The following HPS4 variants were observed in gnomAD, a reference collection of about 807,000 sequenced individuals.
HPS4 encodes BLOC-3 complex member HPS4.
Under a neutral mutation model 70.3 loss-of-function variants are expected in HPS4, and 44 were observed. That is an observed-to-expected ratio of 0.63 (90% CI 0.49 to 0.80). The LOEUF is 0.80. HPS4 is among the 30% of genes least tolerant of loss of function. The pLI is 0.00. For missense variants in HPS4, 873 were observed against 884.4 expected (o/e 0.99, Z 0.16); for synonymous variants, 377 against 355.9 (o/e 1.06, Z -0.67).
At chr22:26,479,091 G>T (rs2090983815) in intron 3 of HPS4, among the ~76,000 whole-genome samples, 174 bp downstream of exon 3, 1 of 152,212 alleles carries the variant, frequency 6.6e-6, no homozygotes, top group African/African-American at 2.4e-5. Context: ...GTGCCGAGCT[G>T]CCTGGAAATT....
intron 11 of HPS4, 91 bp from the exon 12 acceptor site, chr22:26,458,668 A>G: frequency 1.3e-6 from 2 of 1,498,056 alleles, no homozygotes; most frequent in Non-Finnish European, 1.8e-6. Context: ...TAAAAAAAAA[A>G]TCCTCCAGCC....
At position 26,452,355 on chromosome 22, in the gene HPS4, G is replaced by T. The variant is rs890751270; in HGVS notation, c.*878C>A. On this transcript the variant is annotated 3_prime_UTR_variant, in exon 14 of 14. Coordinates refer to ENST00000398145, the MANE Select transcript of HPS4 (RefSeq NM_022081.6). ...AACTGAGGTTCTAAGTACCACACAA[G>T]CCCAGGAACACACAGCTGAGTGTCG... 9 of 456,488 alleles carry T rather than the reference G, an allele frequency of 2.0e-5. No individual in the cohort carries two copies. Among genetic ancestry groups the T allele is most frequent in the African/African-American group, 1.8e-4 (9 of 50,022 alleles). The allele number at this position is 456,488 out of a possible 1,614,324, so 28.3% of individuals were successfully genotyped here.
At chr22:26,447,486 G>C (rs764416529), downstream of HPS4, among the ~76,000 whole-genome samples, 3 of 152,182 alleles carry the variant, frequency 2.0e-5, no homozygotes, top group African/African-American at 7.2e-5. Context: ...TGAGTGTCAA[G>C]TGAGGTTTTG....
chr22:26,468,639 C>T lies in HPS4; in HGVS notation c.597-16G>A, dbSNP rs1214648142. On this transcript the variant is annotated splice_polypyrimidine_tract_variant and intron_variant, in intron 7 of 13. Coordinates refer to ENST00000398145, the MANE Select transcript of HPS4 (RefSeq NM_022081.6). ...GCTGACAATCCTAGGAGGTCACACA[C>T]AGAACAAGAACACCATGAGACGAAA... The T allele has an allele frequency of 3.7e-6, 6 of 1,611,928 alleles. No individual in the cohort carries two copies. In the Admixed American group the frequency reaches 6.7e-5, roughly 18 times the overall value.
chr22:26,461,605 G>A (rs2087284493), intron 11 of HPS4, among the ~76,000 whole-genome samples: 1 of 152,170 alleles, frequency 6.6e-6, no homozygotes, highest in African/African-American at 2.4e-5. Context: ...CATCATTAAG[G>A]AGCCCTTGCA....
downstream of HPS4, among the ~76,000 whole-genome samples, chr22:26,449,719 G>A (rs897741468): frequency 6.6e-6 from 1 of 152,166 alleles, no homozygotes; most frequent in Admixed American, 6.5e-5. Flanking sequence ...CGTGCTCTGT[G>A]GCTCGGCGCT....
intron 9 of HPS4, chr22:26,465,769 G>A: frequency 3.4e-6 from 2 of 593,890 alleles, no homozygotes; most frequent in Non-Finnish European, 6.0e-6. Context: ...TCCCAGCTTT[G>A]GAGAAGGAAG....
chr22:26,462,481 G>A (rs2087505682), intron 11 of HPS4, among the ~76,000 whole-genome samples: 1 of 152,210 alleles, frequency 6.6e-6, no homozygotes, highest in African/African-American at 2.4e-5. Flanking sequence ...CTGGTAAAAT[G>A]GGAGTTACAA....
At chr22:26,447,170 A>G (rs2084980406), downstream of HPS4, among the ~76,000 whole-genome samples, 1 of 152,130 alleles carries the variant, frequency 6.6e-6, no homozygotes, top group Non-Finnish European at 1.5e-5. Context: ...TGGGCCACTG[A>G]GAGATTGGGT....
At chr22:26,458,013 C>T in intron 12 of HPS4, 46 bp from the exon 13 acceptor site, 2 of 1,474,918 alleles carry the variant, frequency 1.4e-6, no homozygotes, top group African/African-American at 2.8e-5. Flanking sequence ...CAGTTACCTT[C>T]TGCCCTCCCA....
exon 4 of HPS4, chr22:26,444,317 T>C (rs916591839): frequency 1.3e-5 from 2 of 152,144 alleles, no homozygotes; most frequent in African/African-American, 4.8e-5. Context: ...GTCTTTGTCA[T>C]GGCACAAAGG....
intron 9 of HPS4, 113 bp from the exon 10 acceptor site, chr22:26,465,664 G>T: frequency 3.6e-6 from 3 of 827,506 alleles, no homozygotes; most frequent in Non-Finnish European, 6.0e-6. Flanking sequence ...GGAAAGGGGT[G>T]CTGTGAGTGC....
At chr22:26,476,963 C>T (rs1467135528) in intron 4 of HPS4, 30 bp downstream of exon 4, 1 of 1,611,998 alleles carries the variant, frequency 6.2e-7, no homozygotes, top group Admixed American at 1.7e-5. Context: ...CATTGCAACA[C>T]TTCAGCACTG....
In HPS4 at chr22:26,483,689, T is replaced by C; in HGVS notation, c.-494A>G. On this transcript the variant is annotated 5_prime_UTR_variant, in exon 1 of 14. An upstream start codon of the reference 5' UTR is lost. Coordinates refer to ENST00000398145, the MANE Select transcript of HPS4 (RefSeq NM_022081.6). ...GCCCACCCACCGGAGTAGCCAGGCA[T>C]CCCAGTGCTCGGGGTTCGGGACTCT... The C allele has an allele frequency of 2.5e-6, 1 of 392,212 alleles. No homozygotes were observed. Among genetic ancestry groups the C allele is most frequent in the Non-Finnish European group, 4.4e-6 (1 of 224,846 alleles). 24.3% of individuals were successfully genotyped at this position (392,212 alleles called of 1,614,324 possible).
At chr22:26,449,132 C>A (rs2085053785), downstream of HPS4, among the ~76,000 whole-genome samples, 1 of 152,028 alleles carries the variant, frequency 6.6e-6, no homozygotes, top group Admixed American at 6.6e-5. Flanking sequence ...CTGGGGCTGT[C>A]CCTCCCCGCC....
chr22:26,458,126 G>A (rs1005884926), intron 12 of HPS4, among the ~76,000 whole-genome samples, 159 bp from the exon 13 acceptor site: 12 of 152,272 alleles, frequency 7.9e-5, no homozygotes, highest in African/African-American at 2.9e-4. Flanking sequence ...GGCTTCGGCT[G>A]CCGCCGCTGT....
intron 8 of HPS4, chr22:26,466,538 GTC>G: frequency 1.8e-6 from 1 of 562,468 alleles, no homozygotes; most frequent in Non-Finnish European, 3.2e-6. Flanking sequence ...GATTTTCTCA[GTC>G]TCTCTCCCTT....
In HPS4 at chr22:26,464,454, C is replaced by A; in HGVS notation, c.1176G>T (p.Val392=). ...AAGGAGCCCTGCCATCTGGAACAGGCACATGTAGGAAGGCAAAATGACCTG... is the reference window on the plus strand; with the variant it reads ...AAGGAGCCCTGCCATCTGGAACAGGAACATGTAGGAAGGCAAAATGACCTG... ...MASGHFAFLH[V]PVPDGRAPYC... is the part of the protein sequence containing the mutation. The change falls in exon 11 of 14, where the codon GTG becomes GTT. Residue 392 remains valine (V), a synonymous_variant. Coordinates refer to ENST00000398145, the MANE Select transcript of HPS4 (RefSeq NM_022081.6). 1 of 1,614,142 alleles carries A rather than the reference C, an allele frequency of 6.2e-7. No homozygotes were observed. The highest frequency in any genetic ancestry group is 8.5e-7 in the Non-Finnish European group (1 of 1,180,032).
chr22:26,458,148 C>T (rs2086523244), intron 12 of HPS4, among the ~76,000 whole-genome samples, 181 bp from the exon 13 acceptor site: 1 of 152,276 alleles, frequency 6.6e-6, no homozygotes, highest in Non-Finnish European at 1.5e-5. Context: ...CGATGCAGCA[C>T]CCGGTTTCTG....
Sources: gnomAD v4.1 joint callset for allele counts (sites outside exome capture counted in the v4.1 genomes callset) on GRCh38, gnomAD v4.1.1 for gene constraint, MANE v1.5 for transcripts, NCBI Gene and HGNC (gene_info 2026-07-23, HGNC 2026-07-21) for gene names.